The following INPP5D variants were observed in gnomAD, a reference collection of about 807,000 sequenced individuals.
INPP5D encodes phosphatidylinositol 3,4,5-trisphosphate 5-phosphatase 1.
INPP5D carries 33 observed loss-of-function variants against 122.9 expected under a neutral mutation model. The observed-to-expected ratio is 0.27, with a 90% confidence interval of 0.20 to 0.36. The LOEUF (loss-of-function observed/expected upper bound fraction) is 0.36, where lower values mean the gene tolerates loss of function less well. Ranked by LOEUF, INPP5D falls within the 10% of genes least tolerant of loss-of-function variation. The pLI, the probability that INPP5D is intolerant of heterozygous loss-of-function variation, is 1.00. For missense variants in INPP5D, 1,053 were observed against 1,412.7 expected, an observed-to-expected ratio of 0.75 and a Z score of 4.08; for synonymous variants, 584 against 576.2, an observed-to-expected ratio of 1.01 and a Z score of -0.19.
chr2:233,109,750 T>G (rs1487506995), intron 2 of INPP5D, among the ~76,000 whole-genome samples: 1 of 151,134 alleles, frequency 6.6e-6, no homozygotes, highest in Non-Finnish European at 1.5e-5. Flanking sequence ...AGCTATTTTT[T>G]TTTTTTTTTG....
At chr2:233,077,564 C>A (rs578201882) in intron 1 of INPP5D, among the ~76,000 whole-genome samples, 2 of 145,274 alleles carry the variant, frequency 1.4e-5, no homozygotes, top group East Asian at 4.2e-4. Flanking sequence ...GAGGCTGAGG[C>A]AGGATAATTG....
intron 22 of INPP5D, among the ~76,000 whole-genome samples, chr2:233,193,609 T>G (rs972890187): frequency 2.0e-5 from 3 of 152,184 alleles, no homozygotes; most frequent in Non-Finnish European, 4.4e-5. Flanking sequence ...ACAATATAAT[T>G]TTTTTTACAT....
chr2:233,137,868 A>ATG lies in INPP5D; in HGVS notation c.666-1973_666-1972insGT, dbSNP rs1559313370. Among the ~76,000 whole-genome samples the ATG allele has an allele frequency of 2.2e-4, 5 of 23,010 alleles. 1 individual carries two copies. Among genetic ancestry groups the ATG allele is most frequent in the Non-Finnish European group, 6.6e-4 (5 of 7,568 alleles). The allele number at this position is 23,010 out of a possible 152,430, so 15.1% of individuals were successfully genotyped here. On this transcript the variant is annotated intron_variant, in intron 5 of 26. Transcript: ENST00000445964. ...AAAAAAAAAAAATATATATATATAT[A>ATG]TATATATATATATATATATATATAT... is the stretch of plus-strand genomic sequence containing the variant.
At chr2:233,083,058 A>G (rs1361343782) in intron 2 of INPP5D, among the ~76,000 whole-genome samples, 1 of 152,216 alleles carries the variant, frequency 6.6e-6, no homozygotes, top group Non-Finnish European at 1.5e-5. Flanking sequence ...CCTTGTGGTA[A>G]ATCAGTGAGG....
chr2:233,180,349 T>G (rs577877905), intron 18 of INPP5D, among the ~76,000 whole-genome samples: 15 of 151,838 alleles, frequency 9.9e-5, no homozygotes, highest in African/African-American at 3.6e-4. Flanking sequence ...ATCTGAAATA[T>G]TCTGAGAATG....
chr2:233,155,916 A>T (rs1370680993), intron 9 of INPP5D, among the ~76,000 whole-genome samples: 1 of 152,170 alleles, frequency 6.6e-6, no homozygotes, highest in Non-Finnish European at 1.5e-5. Context: ...GCCCTGTGTC[A>T]GGGGCCCCAC....
chr2:233,125,684 G>A (rs1360251250), intron 3 of INPP5D, 61 bp from the exon 4 acceptor site: 23 of 1,487,718 alleles, frequency 1.5e-5, no homozygotes, highest in African/African-American at 2.8e-5. Context: ...ATGGGGCTGC[G>A]GTGAAGGCCG....
chr2:233,134,956 T>C (rs56143615), intron 5 of INPP5D, among the ~76,000 whole-genome samples: 71,704 of 132,842 alleles, frequency 0.54, 17,381 homozygotes, highest in Middle Eastern at 0.57. Flanking sequence ...CATGAAAAGA[T>C]TAAGCAAACC....
At chr2:233,173,082 G>A (rs946089244) in intron 17 of INPP5D, among the ~76,000 whole-genome samples, 8 of 152,040 alleles carry the variant, frequency 5.3e-5, no homozygotes, top group African/African-American at 1.7e-4. Flanking sequence ...GGCGGTACAC[G>A]CCTGTAACCC....
chr2:233,091,382 AG>A (rs1428408571), intron 2 of INPP5D, among the ~76,000 whole-genome samples: 1 of 152,222 alleles, frequency 6.6e-6, no homozygotes, highest in Non-Finnish European at 1.5e-5. Flanking sequence ...GCAGTTGTGC[AG>A]GCCAGAAGTC....
chr2:233,098,712 A>C (rs1348270062), intron 2 of INPP5D, among the ~76,000 whole-genome samples: 1 of 151,948 alleles, frequency 6.6e-6, no homozygotes, highest in Admixed American at 6.6e-5. Flanking sequence ...CTCCCATGAC[A>C]CACTCAACCT....
chr2:233,087,276 C>T (rs918080841), intron 2 of INPP5D, among the ~76,000 whole-genome samples: 68 of 152,222 alleles, frequency 4.5e-4, no homozygotes, highest in Middle Eastern at 3.4e-3. Flanking sequence ...ACCCTCCTTT[C>T]TTTTCTTTGT....
At chr2:233,071,049 G>A (rs1190001768) in intron 1 of INPP5D, among the ~76,000 whole-genome samples, 1 of 151,972 alleles carries the variant, frequency 6.6e-6, no homozygotes, top group Non-Finnish European at 1.5e-5. Context: ...CGAGGCGGCC[G>A]GATCACCAGA....
intron 1 of INPP5D, among the ~76,000 whole-genome samples, chr2:233,077,048 C>T (rs1183201211): frequency 2.0e-5 from 3 of 152,188 alleles, no homozygotes; most frequent in African/African-American, 7.2e-5. Flanking sequence ...AACGTCAACA[C>T]GTGTACAGCA....
At chr2:233,094,704 C>G (rs1692087508) in intron 2 of INPP5D, among the ~76,000 whole-genome samples, 1 of 151,910 alleles carries the variant, frequency 6.6e-6, no homozygotes, top group Non-Finnish European at 1.5e-5. Context: ...CAATCAGGTC[C>G]CAGACCCGGG....
intron 17 of INPP5D, among the ~76,000 whole-genome samples, chr2:233,175,549 G>GGTAA (rs768769023): frequency 8.5e-5 from 13 of 152,086 alleles, no homozygotes; most frequent in Non-Finnish European, 1.9e-4. Context: ...CTGGGTAGTG[G>GGTAA]GTAAGTGGGT....
In INPP5D at chr2:233,164,208, C is replaced by G; in HGVS notation, c.1438-99C>G. 6.8e-7 allele frequency: 1 copy of G among 1,467,712 alleles called. No homozygotes were observed. The highest frequency in any genetic ancestry group is 1.4e-5 in the African/African-American group (1 of 71,480). The allele number at this position is 1,467,712 out of a possible 1,614,324, so 90.9% of individuals were successfully genotyped here. A position where few individuals can be genotyped will look rare whatever the true frequency, so the allele number is the denominator to read the frequency against. ...GGGTTGGGATTACAGACAGGATACC[C>G]CATACCCAGGGGCTGCGGCTGGGGC... On this transcript the variant is annotated intron_variant, in intron 12 of 26. Coordinates refer to ENST00000445964, the MANE Select transcript of INPP5D (RefSeq NM_001017915.3). The surrounding 1 kb of genome is among the most constrained non-coding windows in gnomAD (Gnocchi z 4.3).
At chr2:233,173,972 G>A (rs1694557247) in intron 17 of INPP5D, among the ~76,000 whole-genome samples, 1 of 152,002 alleles carries the variant, frequency 6.6e-6, no homozygotes, top group Non-Finnish European at 1.5e-5. Flanking sequence ...CATTAGCCTA[G>A]GCTGAAACAG....
intron 17 of INPP5D, among the ~76,000 whole-genome samples, chr2:233,175,100 C>G (rs1412289085): frequency 6.6e-6 from 1 of 151,124 alleles, no homozygotes; most frequent in East Asian, 1.9e-4. Context: ...CGCCTGTAAT[C>G]CCAGCTACTC....
Sources: allele counts gnomAD v4.1 joint callset (sites outside exome capture counted in the v4.1 genomes callset), GRCh38; gene constraint gnomAD v4.1.1; non-coding constraint Gnocchi (gnomAD v3.1); transcripts MANE v1.5; gene names NCBI Gene and HGNC (gene_info 2026-07-23, HGNC 2026-07-21).